The following FUT8 variants were observed in gnomAD, a reference collection of about 807,000 sequenced individuals.
FUT8 encodes the protein alpha-(1,6)-fucosyltransferase.
FUT8 carries 29 observed loss-of-function variants against 71.3 expected under a neutral mutation model. That is an observed-to-expected ratio of 0.41 (90% CI 0.30 to 0.55). FUT8 has a LOEUF of 0.55. FUT8 is among the 20% of genes least tolerant of loss of function. FUT8 has a pLI of 0.34. For synonymous variants in FUT8, 254 were observed against 239.3 expected, an observed-to-expected ratio of 1.06 and a Z score of -0.57; for missense variants, 544 against 702.1, an observed-to-expected ratio of 0.77 and a Z score of 2.55.
At chr14:65,400,381 G>T in the FUT8 span, among the ~76,000 whole-genome samples, 6 of 152,204 alleles carry the variant, frequency 3.9e-5, no homozygotes, top group African/African-American at 1.2e-4. Flanking sequence ...CCTCATATGG[G>T]TGTGTATGTC....
chr14:65,480,696 T>G (rs984913062), intron 2 of FUT8, among the ~76,000 whole-genome samples: 1 of 151,980 alleles, frequency 6.6e-6, no homozygotes, highest in Non-Finnish European at 1.5e-5. Flanking sequence ...ACTGTAATTC[T>G]ATTTTTTTTT....
intron 2 of FUT8, among the ~76,000 whole-genome samples, chr14:65,541,026 T>C (rs1304651173): frequency 6.6e-6 from 1 of 152,238 alleles, no homozygotes; most frequent in Non-Finnish European, 1.5e-5. Context: ...TGATTCTTTG[T>C]TATGCCATTG....
At chr14:65,454,999 C>A (rs1454935396) in intron 1 of FUT8, among the ~76,000 whole-genome samples, 1 of 152,042 alleles carries the variant, frequency 6.6e-6, no homozygotes, top group Non-Finnish European at 1.5e-5. Context: ...TATGTCAGCT[C>A]TCAGGCAGGG....
chr14:65,381,569 C>T, the FUT8 span, among the ~76,000 whole-genome samples: 1 of 152,282 alleles, frequency 6.6e-6, no homozygotes, highest in East Asian at 1.9e-4. Context: ...CCTCTTGACC[C>T]TTTGCCTTCT....
intron 6 of FUT8, among the ~76,000 whole-genome samples, chr14:65,647,924 A>G (rs910994268): frequency 6.6e-6 from 1 of 152,136 alleles, no homozygotes; most frequent in Non-Finnish European, 1.5e-5. Flanking sequence ...AGCAAAATAC[A>G]AAATGGAACA....
chr14:65,738,632 A>AGTC (rs1318805902), intron 10 of FUT8, among the ~76,000 whole-genome samples: 3 of 152,060 alleles, frequency 2.0e-5, no homozygotes, highest in African/African-American at 7.2e-5. Flanking sequence ...CTGAGTATGG[A>AGTC]CGTCAGCTGC....
chr14:65,527,790 C>G (rs1332368230), intron 2 of FUT8, among the ~76,000 whole-genome samples: 1 of 152,168 alleles, frequency 6.6e-6, no homozygotes, highest in Non-Finnish European at 1.5e-5. Flanking sequence ...AGCTGCAGGT[C>G]TGTTGGAGTT....
At chr14:65,409,181 T>C (rs539388354), upstream of FUT8, among the ~76,000 whole-genome samples, 4 of 152,338 alleles carry the variant, frequency 2.6e-5, no homozygotes, top group Admixed American at 2.6e-4. The surrounding 1 kb of genome is among the most constrained non-coding windows in gnomAD (Gnocchi z 5.4). Context: ...TGCTGCCCTT[T>C]GGATGACTTC....
intron 2 of FUT8, among the ~76,000 whole-genome samples, chr14:65,528,223 T>G (rs906603367): frequency 1.3e-5 from 2 of 152,226 alleles, no homozygotes; most frequent in African/African-American, 4.8e-5. Flanking sequence ...GGCCTCTTTA[T>G]TTACCTACGC....
At chr14:65,418,957 G>C (rs2065256026) in intron 1 of FUT8, among the ~76,000 whole-genome samples, 1 of 152,116 alleles carries the variant, frequency 6.6e-6, no homozygotes, top group African/African-American at 2.4e-5. Flanking sequence ...GGCCGGGCGC[G>C]GTGGCTCATG....
At chr14:65,447,975 G>A (rs2065767913) in intron 1 of FUT8, among the ~76,000 whole-genome samples, 1 of 152,106 alleles carries the variant, frequency 6.6e-6, no homozygotes, top group Non-Finnish European at 1.5e-5. Flanking sequence ...CTAAATTAGT[G>A]CAACTAAGGC....
intron 3 of FUT8, among the ~76,000 whole-genome samples, chr14:65,575,148 T>C (rs2140092732): frequency 6.6e-6 from 1 of 152,076 alleles, no homozygotes; most frequent in East Asian, 1.9e-4. Flanking sequence ...TCTGGACGGC[T>C]GTGTCCAAGG....
At chr14:65,453,779 G>C (rs1198380544) in intron 1 of FUT8, among the ~76,000 whole-genome samples, 1 of 151,792 alleles carries the variant, frequency 6.6e-6, no homozygotes, top group Non-Finnish European at 1.5e-5. Context: ...GTATTTAGTT[G>C]ATGACTCAAG....
the FUT8 span, among the ~76,000 whole-genome samples, chr14:65,396,627 A>G: frequency 6.6e-6 from 1 of 152,116 alleles, no homozygotes; most frequent in African/African-American, 2.4e-5. The surrounding 1 kb of genome is among the most constrained non-coding windows in gnomAD (Gnocchi z 5.5). Flanking sequence ...TCAAGATGAG[A>G]TTTGGGTTGG....
chr14:65,698,211 A>G (rs1894094180), intron 7 of FUT8, among the ~76,000 whole-genome samples: 1 of 152,186 alleles, frequency 6.6e-6, no homozygotes, highest in African/African-American at 2.4e-5. Flanking sequence ...TGTACTTCAT[A>G]TAAAAATTAA....
chr14:65,623,854 A>G (rs1034198162), intron 5 of FUT8, among the ~76,000 whole-genome samples: 6 of 152,202 alleles, frequency 3.9e-5, no homozygotes, highest in African/African-American at 1.4e-4. Flanking sequence ...ACCTGGTCTC[A>G]TACTAGGTCT....
chr14:65,575,595 C>CTTCCTTCA (rs1886721275), intron 3 of FUT8, among the ~76,000 whole-genome samples: 1 of 141,684 alleles, frequency 7.1e-6, no homozygotes, highest in African/African-American at 2.8e-5. Flanking sequence ...TCCTTCCTTC[C>CTTCCTTCA]TTCCTTCCTT....
Position 65,467,808 on chromosome 14 carries a change from T to G in FUT8, c.-228+12090T>G, listed in dbSNP as rs2066067968. ...GTCTTTTATTTTTTTTAACACCTGT[T>G]ATGCTATGAATTCACAGGGAATAGG... On this transcript the variant is annotated intron_variant, in intron 2 of 10. Coordinates refer to ENST00000673929, the MANE Select transcript of FUT8 (RefSeq NM_001371533.1). The surrounding 1 kb of genome is among the most constrained non-coding windows in gnomAD (Gnocchi z 4.1). The G allele has an allele frequency of 1.2e-5, 9 of 737,362 alleles. No homozygotes were observed. Among genetic ancestry groups the G allele is most frequent in the Middle Eastern group, 2.9e-4 (1 of 3,458 alleles). 45.7% of individuals were successfully genotyped at this position (737,362 alleles called of 1,614,324 possible). A position where few individuals can be genotyped will look rare whatever the true frequency, so the allele number is the denominator to read the frequency against.
At chr14:65,616,400 TG>T in intron 5 of FUT8, 27 bp downstream of exon 5, 1 of 1,522,406 alleles carries the variant, frequency 6.6e-7, no homozygotes, top group Admixed American at 2.1e-5. Context: ...ACATTTTATT[TG>T]GGCTTTAGAA....
Sources: allele counts gnomAD v4.1 joint callset (sites outside exome capture counted in the v4.1 genomes callset), GRCh38; gene constraint gnomAD v4.1.1; non-coding constraint Gnocchi (gnomAD v3.1); transcripts MANE v1.5; gene names NCBI Gene and HGNC (gene_info 2026-07-23, HGNC 2026-07-21).